RFX4: variants seen among roughly 807,000 people sequenced by gnomAD.
The protein encoded by RFX4 is regulatory factor X4, also known as transcription factor RFX4.
Under a neutral mutation model 95.0 loss-of-function variants are expected in RFX4, and 10 were observed. That is an observed-to-expected ratio of 0.11 (90% CI 0.06 to 0.18). The LOEUF (loss-of-function observed/expected upper bound fraction) is 0.18. RFX4 is among the 10% of genes least tolerant of loss of function. The probability of loss-of-function intolerance (pLI) is 1.00; values close to 1 mark genes in which losing one functional copy is unlikely to be tolerated. For missense variants in RFX4, 640 were observed against 922.0 expected, an observed-to-expected ratio of 0.69 and a Z score of 3.96; for synonymous variants, 321 against 340.7, an observed-to-expected ratio of 0.94 and a Z score of 0.64.
At chr12:106,608,658 C>G (rs2039888255) in intron 1 of RFX4, 139 bp from the exon 2 acceptor site, 1 of 792,576 alleles carries the variant, frequency 1.3e-6, no homozygotes, top group African/African-American at 1.7e-5. Flanking sequence ...CCAATCTGGG[C>G]AGATGCCACA....
chr12:106,599,446 G>A (rs2039667392), intron 1 of RFX4, among the ~76,000 whole-genome samples: 1 of 151,858 alleles, frequency 6.6e-6, no homozygotes, highest in South Asian at 2.1e-4. Flanking sequence ...CTTAACAACT[G>A]TGTGATCTTG....
In RFX4 at chr12:106,629,016, C is replaced by T. The variant is rs1483725314; in HGVS notation, c.131-10316C>T. Among the ~76,000 whole-genome samples, 3 of 152,100 alleles carry T rather than the reference C, an allele frequency of 2.0e-5. No individual in the cohort carries two copies. In the South Asian group the frequency reaches 6.2e-4, roughly 32 times the overall value. On this transcript the variant is annotated intron_variant, in intron 2 of 17. Transcript: ENST00000392842. Reference sequence around the variant, plus strand: ...TCAAGTGATCCACTGGCCTTGGCCTCCCAAAGTGCTGGAATTACAGGCATG... The same window carrying T: ...TCAAGTGATCCACTGGCCTTGGCCTTCCAAAGTGCTGGAATTACAGGCATG...
chr12:106,583,429 T>A, intron 1 of RFX4, 66 bp downstream of exon 1: 1 of 1,456,152 alleles, frequency 6.9e-7, no homozygotes, highest in Non-Finnish European at 9.2e-7. Context: ...GGGGGAACTT[T>A]AGAAAGAAGT....
At chr12:106,693,186 T>C (rs1168089032) in intron 7 of RFX4, 1 of 361,494 alleles carries the variant, frequency 2.8e-6, no homozygotes, top group Admixed American at 3.2e-5. Flanking sequence ...CCTCCTTCCT[T>C]TTCCTTCTCA....
intron 8 of RFX4, among the ~76,000 whole-genome samples, chr12:106,705,747 G>A (rs1232934061): frequency 6.6e-6 from 1 of 152,162 alleles, no homozygotes; most frequent in Non-Finnish European, 1.5e-5. Context: ...CCAGAGATAA[G>A]GAGGGTAGGG....
rs373088469 is a variant in RFX4, at chr12:106,630,191, T to C, written c.131-9141T>C. 1.4e-4 allele frequency among the ~76,000 whole-genome samples: 22 copies of C among 152,330 alleles called. No individual in the cohort carries two copies. In the East Asian group the frequency reaches 1.5e-3, roughly 11 times the overall value. ...GATGAGACCATTGTCTGTGGAATGA[T>C]TGCAGTTTTCCTGAGTGAGTCATTA... On this transcript the variant is annotated intron_variant, in intron 2 of 17. Coordinates refer to ENST00000392842, the MANE Select transcript of RFX4 (RefSeq NM_213594.3).
At chr12:106,686,156 T>C (rs530001457) in intron 5 of RFX4, among the ~76,000 whole-genome samples, 1 of 152,288 alleles carries the variant, frequency 6.6e-6, no homozygotes, top group Non-Finnish European at 1.5e-5. Flanking sequence ...CTCATGCCTG[T>C]AATCCCAGCA....
At chr12:106,604,038 C>T (rs1345965297) in intron 1 of RFX4, among the ~76,000 whole-genome samples, 1 of 151,566 alleles carries the variant, frequency 6.6e-6, no homozygotes, top group African/African-American at 2.4e-5. Flanking sequence ...GGGAGTAGCA[C>T]GTGCCTTACT....
At chr12:106,583,402 G>T in intron 1 of RFX4, 39 bp downstream of exon 1, 1 of 1,522,864 alleles carries the variant, frequency 6.6e-7, no homozygotes. Context: ...TACATTGGGA[G>T]GGAAGGAGAA....
At chr12:106,611,545 C>G (rs372935538) in intron 2 of RFX4, among the ~76,000 whole-genome samples, 1 of 150,338 alleles carries the variant, frequency 6.7e-6, no homozygotes, top group Non-Finnish European at 1.5e-5. Context: ...GAGTCTCACT[C>G]TGTTGCCCAG....
intron 5 of RFX4, chr12:106,683,383 G>A (rs2041561391): frequency 1.5e-5 from 2 of 134,098 alleles, no homozygotes; most frequent in African/African-American, 5.5e-5. Context: ...TTTTGAACCA[G>A]TCTCTAAAGG....
intron 15 of RFX4, among the ~76,000 whole-genome samples, chr12:106,733,785 T>C (rs2042658044): frequency 6.6e-6 from 1 of 151,370 alleles, no homozygotes; most frequent in Non-Finnish European, 1.5e-5. Flanking sequence ...TGCACAGGAG[T>C]CTCATAAGAT....
At chr12:106,598,608 G>C (rs1391654202) in intron 1 of RFX4, among the ~76,000 whole-genome samples, 1 of 152,182 alleles carries the variant, frequency 6.6e-6, no homozygotes, top group Admixed American at 6.5e-5. Context: ...CTAGGAGAAG[G>C]GTGTTTTGGT....
At chr12:106,676,154 G>GA (rs2041388456) in intron 4 of RFX4, among the ~76,000 whole-genome samples, 1 of 152,188 alleles carries the variant, frequency 6.6e-6, no homozygotes, top group African/African-American at 2.4e-5. Context: ...TCATGGTTTG[G>GA]GAAAGGCGAG....
intron 8 of RFX4, among the ~76,000 whole-genome samples, chr12:106,707,752 G>A (rs1461892436): frequency 6.6e-6 from 1 of 152,118 alleles, no homozygotes; most frequent in Non-Finnish European, 1.5e-5. Flanking sequence ...AAAGGGCAGT[G>A]GCTCAAGGAG....
At chr12:106,587,723 T>C (rs2039481537) in intron 1 of RFX4, among the ~76,000 whole-genome samples, 1 of 152,162 alleles carries the variant, frequency 6.6e-6, no homozygotes, top group South Asian at 2.1e-4. Flanking sequence ...AGGTTCTGGC[T>C]TTTCTTCCCC....
At chr12:106,753,623 A>G (rs1198776901) in intron 17 of RFX4, among the ~76,000 whole-genome samples, 2 of 152,296 alleles carry the variant, frequency 1.3e-5, no homozygotes, top group South Asian at 4.1e-4. Context: ...AGCACTCTCC[A>G]CATCCCTTAG....
chr12:106,662,551 A>C (rs1363628245), intron 4 of RFX4, among the ~76,000 whole-genome samples: 1 of 152,114 alleles, frequency 6.6e-6, no homozygotes, highest in Non-Finnish European at 1.5e-5. Flanking sequence ...ACAGAGCATA[A>C]AATTTTAATT....
intron 3 of RFX4, among the ~76,000 whole-genome samples, chr12:106,640,977 C>T (rs2040611218): frequency 6.6e-6 from 1 of 151,952 alleles, no homozygotes; most frequent in African/African-American, 2.4e-5. Context: ...GACAGGGTTT[C>T]ACCATGTTGG....
Sources: gnomAD v4.1 joint callset for allele counts (sites outside exome capture counted in the v4.1 genomes callset) on GRCh38, gnomAD v4.1.1 for gene constraint, MANE v1.5 for transcripts, NCBI Gene and HGNC (gene_info 2026-07-23, HGNC 2026-07-21) for gene names.